The following RAB40C variants were observed in gnomAD, a reference collection of about 807,000 sequenced individuals.
RAB40C encodes the protein ras-related protein Rab-40C.
RAB40C carries 8 observed loss-of-function variants against 28.1 expected under a neutral mutation model. That is an observed-to-expected ratio of 0.28 (90% CI 0.17 to 0.51). The LOEUF (loss-of-function observed/expected upper bound fraction) is 0.51, where lower values mean the gene tolerates loss of function less well. RAB40C is among the 20% of genes least tolerant of loss of function. The pLI is 0.97. For missense variants in RAB40C, 288 were observed against 405.9 expected (o/e 0.71, Z 2.50); for synonymous variants, 201 against 171.7 (o/e 1.17, Z -1.34).
intron 1 of RAB40C, among the ~76,000 whole-genome samples, chr16:609,742 T>G (rs1239122452): frequency 6.6e-6 from 1 of 152,156 alleles, no homozygotes; most frequent in Non-Finnish European, 1.5e-5. Context: ...ATAGAAGGGC[T>G]AGAAAAGAAA....
intron 3 of RAB40C, among the ~76,000 whole-genome samples, chr16:623,636 C>CA (rs781008758): frequency 0.027 from 2,613 of 98,062 alleles, 69 homozygotes; most frequent in African/African-American, 0.079. Flanking sequence ...GACTCCGTCT[C>CA]AAAAAAAAAA....
intron 1 of RAB40C, among the ~76,000 whole-genome samples, chr16:607,517 C>A (rs138695547): frequency 0.17 from 24,482 of 143,624 alleles, 2,296 homozygotes; most frequent in South Asian, 0.26. Flanking sequence ...AAAAAAAAAA[C>A]GGGGGGCCGG....
chr16:590,423 C>A lies in RAB40C; in HGVS notation c.132C>A (p.Ala44=). Residue 44 remains alanine, a synonymous_variant, in exon 1 of 6, where the codon GCC becomes GCA. Coordinates refer to ENST00000248139, the MANE Select transcript of RAB40C (RefSeq NM_021168.5). ...ACGGCGCGGCAGAGTCCCCGTACGC[C>A]TACAGTAACGGTAAGGCCCGGCCCG... ...LQDGAAESPY[A]YSNGIDYKTT... 1 of 1,587,768 alleles carries A rather than the reference C, an allele frequency of 6.3e-7. No homozygotes were observed.
chr16:627,203 A>G, intron 5 of RAB40C, 139 bp from the exon 6 acceptor site: 2 of 806,986 alleles, frequency 2.5e-6, no homozygotes, highest in Admixed American at 2.9e-5. Flanking sequence ...TTGGGCGTCC[A>G]GGTCCTCCAG....
chr16:610,073 C>G lies in RAB40C; in HGVS notation c.143-7135C>G, dbSNP rs1032012305. Reference sequence around the variant, plus strand: ...GGCCAGGGCCAGATGTAGCCTCATACCAGCCCAGCTGGGAGTCCGCTTGCT... The same window carrying G: ...GGCCAGGGCCAGATGTAGCCTCATAGCAGCCCAGCTGGGAGTCCGCTTGCT... On this transcript the variant is annotated intron_variant, in intron 1 of 5. Coordinates refer to ENST00000248139, the MANE Select transcript of RAB40C (RefSeq NM_021168.5). This position sits in a 1 kb window ranked among gnomAD's most constrained non-coding sequence, Gnocchi z 4.6. Among the ~76,000 whole-genome samples, 1 of 152,334 alleles carries G rather than the reference C, an allele frequency of 6.6e-6. No individual in the cohort carries two copies. The highest frequency in any genetic ancestry group is 6.5e-5 in the Admixed American group (1 of 15,298).
intron 1 of RAB40C, among the ~76,000 whole-genome samples, chr16:608,809 G>A (rs1312971083): frequency 1.3e-5 from 2 of 152,124 alleles, no homozygotes; most frequent in East Asian, 1.9e-4. Flanking sequence ...GAAGGTGGAG[G>A]TTGCCATGAG....
chr16:621,462 A>G (rs1242671515), intron 3 of RAB40C, among the ~76,000 whole-genome samples: 1 of 152,200 alleles, frequency 6.6e-6, no homozygotes, highest in Non-Finnish European at 1.5e-5. Context: ...GGTCTTGCAG[A>G]TGGCACCAGC....
At chr16:622,358 C>T (rs1372252714) in intron 3 of RAB40C, among the ~76,000 whole-genome samples, 1 of 152,186 alleles carries the variant, frequency 6.6e-6, no homozygotes, top group African/African-American at 2.4e-5. Context: ...GCGCCAAGTG[C>T]CTCCACCCCC....
intron 1 of RAB40C, among the ~76,000 whole-genome samples, chr16:607,318 GA>G (rs2151068491): frequency 6.6e-6 from 1 of 151,986 alleles, no homozygotes; most frequent in East Asian, 1.9e-4. Flanking sequence ...CCAACATGGT[GA>G]AACCCCATCT....
chr16:603,828 C>G (rs927833801), intron 1 of RAB40C, among the ~76,000 whole-genome samples: 2 of 152,130 alleles, frequency 1.3e-5, no homozygotes, highest in African/African-American at 4.8e-5. Context: ...TTTTCCTGTT[C>G]CAGACATCAT....
intron 1 of RAB40C, among the ~76,000 whole-genome samples, chr16:607,073 G>C (rs72767879): frequency 0.18 from 27,795 of 152,192 alleles, 2,740 homozygotes; most frequent in South Asian, 0.26. Context: ...TGCTACGCAG[G>C]CTCAGCAGCC....
chr16:626,137 C>T lies in RAB40C; in HGVS notation c.565+16C>T. On this transcript the variant is annotated intron_variant, in intron 5 of 5. Coordinates refer to ENST00000248139, the MANE Select transcript of RAB40C (RefSeq NM_021168.5). ...CCCAACCGAGGTGGGTGGGCGGGCGCCGGCCAGCCCTGAGGTCCCCGAACC... is the reference window on the plus strand; with the variant it reads ...CCCAACCGAGGTGGGTGGGCGGGCGTCGGCCAGCCCTGAGGTCCCCGAACC... 1 of 1,603,776 alleles carries T rather than the reference C, an allele frequency of 6.2e-7. No homozygotes were observed. Among genetic ancestry groups the T allele is most frequent in the Admixed American group, 1.7e-5 (1 of 59,992 alleles).
At chr16:625,694 CA>C (rs2036815198) in intron 4 of RAB40C, 185 bp downstream of exon 4, 1 of 832,070 alleles carries the variant, frequency 1.2e-6, no homozygotes, top group Admixed American at 2.3e-5. Context: ...GCGTGGAGCC[CA>C]GCAAGACCAG....
At chr16:622,252 A>ATGG (rs2036734170) in intron 3 of RAB40C, among the ~76,000 whole-genome samples, 1 of 152,154 alleles carries the variant, frequency 6.6e-6, no homozygotes, top group South Asian at 2.1e-4. Context: ...ACGTGCTCAG[A>ATGG]TGCATATTGC....
At chr16:608,017 C>T (rs1007647530) in intron 1 of RAB40C, among the ~76,000 whole-genome samples, 1 of 152,150 alleles carries the variant, frequency 6.6e-6, no homozygotes. Context: ...CCTCCCTCCA[C>T]ACGTTCCTGG....
Position 618,925 on chromosome 16 carries a change from T to C in RAB40C, c.264+665T>C, listed in dbSNP as rs1426165630. ...GCTCAGGTGTGTACTTGGAGCTGTG[T>C]GTGTGCACAGGTGTAGTGGGTGCAC... is the stretch of plus-strand genomic sequence containing the variant. On this transcript the variant is annotated intron_variant, in intron 3 of 5. Coordinates refer to ENST00000248139, the MANE Select transcript of RAB40C (RefSeq NM_021168.5). Among the ~76,000 whole-genome samples, 5 of 77,658 alleles carry C rather than the reference T, an allele frequency of 6.4e-5. 1 individual carries two copies. Among genetic ancestry groups the C allele is most frequent in the African/African-American group, 1.8e-4 (3 of 16,822 alleles). The allele number at this position is 77,658 out of a possible 152,430, so 50.9% of individuals were successfully genotyped here.
At chr16:597,138 C>T (rs2036144644) in intron 1 of RAB40C, among the ~76,000 whole-genome samples, 1 of 151,966 alleles carries the variant, frequency 6.6e-6, no homozygotes, top group South Asian at 2.1e-4. Context: ...ATGGGAGGGG[C>T]TCAGGAGCAG....
chr16:610,445 C>T lies in RAB40C; in HGVS notation c.143-6763C>T, dbSNP rs774539851. 5.3e-5 allele frequency among the ~76,000 whole-genome samples: 8 copies of T among 152,252 alleles called. No individual in the cohort carries two copies. In the South Asian group the frequency reaches 6.2e-4, roughly 12 times the overall value. On this transcript the variant is annotated intron_variant, in intron 1 of 5. Transcript: ENST00000248139. The surrounding 1 kb of genome is among the most constrained non-coding windows in gnomAD (Gnocchi z 4.6). ...AGGGTGGCAGGAGTTGCTGGTGCTG[C>T]GTGAGGCCTCAGTGGGCCTGCACGG...
intron 3 of RAB40C, among the ~76,000 whole-genome samples, chr16:622,364 C>T (rs1325504586): frequency 2.6e-5 from 4 of 152,208 alleles, no homozygotes; most frequent in Admixed American, 2.0e-4. Flanking sequence ...AGTGCCTCCA[C>T]CCCCTTGACC....
Sources: gnomAD v4.1 joint callset for allele counts (sites outside exome capture counted in the v4.1 genomes callset) on GRCh38, gnomAD v4.1.1 for gene constraint, Gnocchi (gnomAD v3.1) non-coding constraint, MANE v1.5 for transcripts, NCBI Gene and HGNC (gene_info 2026-07-23, HGNC 2026-07-21) for gene names.